Variants in AMZ1 observed in about 807,000 individuals in gnomAD.
The protein encoded by AMZ1 is archaemetzincin-1.
Under a neutral mutation model 29.9 loss-of-function variants are expected in AMZ1, and 39 were observed. That is an observed-to-expected ratio of 1.30 (90% CI 1.01 to 1.70). The LOEUF (loss-of-function observed/expected upper bound fraction) is 1.70. Ranked by LOEUF, AMZ1 falls within the 40% of genes most tolerant of loss-of-function variation. AMZ1 has a pLI of 0.00. For synonymous variants in AMZ1, 458 were observed against 304.0 expected, an observed-to-expected ratio of 1.51 and a Z score of -5.27; for missense variants, 1,041 against 680.6, an observed-to-expected ratio of 1.53 and a Z score of -5.89.
intron 4 of AMZ1, among the ~76,000 whole-genome samples, chr7:2,739,269 C>T (rs1790375969): frequency 6.6e-6 from 1 of 152,204 alleles, no homozygotes; most frequent in Non-Finnish European, 1.5e-5. Flanking sequence ...CTTCTACAGC[C>T]TATCAGCCGC....
chr7:2,754,400 C>G (rs1375441637), intron 4 of AMZ1, among the ~76,000 whole-genome samples: 2 of 152,048 alleles, frequency 1.3e-5, no homozygotes, highest in African/African-American at 4.8e-5. Flanking sequence ...GATATGTAGT[C>G]AGCAAATACT....
intron 1 of AMZ1, among the ~76,000 whole-genome samples, chr7:2,689,199 C>T (rs1012858988): frequency 5.3e-5 from 8 of 152,328 alleles, no homozygotes; most frequent in Admixed American, 4.6e-4. Flanking sequence ...AAAGCGCATT[C>T]AGAATAGCGA....
intron 4 of AMZ1, among the ~76,000 whole-genome samples, chr7:2,752,491 C>G (rs1022654381): frequency 2.0e-5 from 3 of 152,106 alleles, no homozygotes; most frequent in African/African-American, 7.2e-5. Context: ...GACACAGGGA[C>G]TGGAAAGCAA....
intron 1 of AMZ1, among the ~76,000 whole-genome samples, chr7:2,688,683 G>A (rs1454355218): frequency 6.6e-6 from 1 of 152,216 alleles, no homozygotes; most frequent in East Asian, 1.9e-4. Context: ...CCGGGCTGGG[G>A]CGAGCCAGGT....
chr7:2,700,121 C>G, intron 1 of AMZ1, 113 bp from the exon 2 acceptor site: 1 of 345,034 alleles, frequency 2.9e-6, no homozygotes, highest in South Asian at 5.1e-5. Flanking sequence ...CTGACACCCT[C>G]GTCCTCTGCA....
At position 2,718,491 on chromosome 7, in the gene AMZ1, T is replaced by C. The variant is rs1789260288; in HGVS notation, c.*5613T>C. 6.6e-6 allele frequency among the ~76,000 whole-genome samples: 1 copy of C among 152,222 alleles called. No homozygotes were observed. The highest frequency in any genetic ancestry group is 6.5e-5 in the Admixed American group (1 of 15,284). On this transcript the variant is annotated 3_prime_UTR_variant, in exon 7 of 7. Transcript: ENST00000683327. The stretch of plus-strand genomic sequence containing the variant: ...CGGGAATGAATGGGGACGTGTTTTG[T>C]TCAGCCCTGACTCTTGGACGCTGGT...
At chr7:2,691,741 A>AAAAAT (rs1787401868) in intron 1 of AMZ1, among the ~76,000 whole-genome samples, 1 of 151,544 alleles carries the variant, frequency 6.6e-6, no homozygotes, top group African/African-American at 2.4e-5. Flanking sequence ...AAAAAAAAAA[A>AAAAAT]AAAAAAATAA....
chr7:2,704,976 GAC>G (rs1314667123), intron 3 of AMZ1, among the ~76,000 whole-genome samples: 1 of 152,166 alleles, frequency 6.6e-6, no homozygotes, highest in Non-Finnish European at 1.5e-5. Flanking sequence ...ATAGTTGCTT[GAC>G]CGTCTGTCCG....
chr7:2,743,649 G>C (rs1019839244), intron 4 of AMZ1, among the ~76,000 whole-genome samples: 3 of 152,146 alleles, frequency 2.0e-5, no homozygotes, highest in Admixed American at 2.0e-4. Flanking sequence ...TCCAACTGAG[G>C]TACCGGGTTC....
rs944077984 is a variant in AMZ1, at chr7:2,719,596, T to C, written c.*6718T>C. On this transcript the variant is annotated 3_prime_UTR_variant, in exon 7 of 7. Transcript: ENST00000683327. ...TGCAATGACTGATGGACGACTTTGA[T>C]ATACAAAATAAATTGTTACTCAGCT... is the stretch of plus-strand genomic sequence containing the variant. Among the ~76,000 whole-genome samples the C allele has an allele frequency of 1.3e-5, 2 of 152,228 alleles. No homozygotes were observed. The highest frequency in any genetic ancestry group is 2.9e-5 in the Non-Finnish European group (2 of 68,046).
intron 4 of AMZ1, among the ~76,000 whole-genome samples, chr7:2,744,482 CA>C (rs1229893960): frequency 6.6e-6 from 1 of 152,164 alleles, no homozygotes; most frequent in African/African-American, 2.4e-5. Context: ...GGAAAACTAA[CA>C]AACAGGAAGG....
chr7:2,710,856 T>G (rs1186406144), intron 6 of AMZ1, among the ~76,000 whole-genome samples: 2 of 152,182 alleles, frequency 1.3e-5, no homozygotes, highest in East Asian at 1.9e-4. Context: ...CACCTGGTGA[T>G]GCCTTGTAAA....
chr7:2,680,764 G>T (rs1286139941), intron 1 of AMZ1, among the ~76,000 whole-genome samples: 22 of 152,246 alleles, frequency 1.4e-4, no homozygotes, highest in Admixed American at 1.4e-3. Context: ...GCCCAGCGCA[G>T]CCCATGCGCT....
At chr7:2,762,630 G>A, upstream of AMZ1, 1 of 1,577,956 alleles carries the variant, frequency 6.3e-7, no homozygotes, top group Non-Finnish European at 8.6e-7. Flanking sequence ...AGACCCCAAT[G>A]CCATGAAGCA....
chr7:2,721,415 C>A (rs1030863168), downstream of AMZ1, among the ~76,000 whole-genome samples: 6 of 152,308 alleles, frequency 3.9e-5, no homozygotes, highest in Admixed American at 2.6e-4. Flanking sequence ...CACACACATT[C>A]TTCTGTTTGA....
chr7:2,764,519 T>C (rs922956167), upstream of AMZ1: 2 of 152,256 alleles, frequency 1.3e-5, no homozygotes, highest in African/African-American at 4.8e-5. Flanking sequence ...ACAGTGGTTG[T>C]GGTCGGGCTC....
intron 1 of AMZ1, among the ~76,000 whole-genome samples, chr7:2,697,647 A>T (rs1322416327): frequency 6.7e-6 from 1 of 150,178 alleles, no homozygotes; most frequent in Non-Finnish European, 1.5e-5. Context: ...CTGGTCTTGA[A>T]CTCCTGTGCT....
At chr7:2,753,787 T>A (rs958767632) in intron 4 of AMZ1, among the ~76,000 whole-genome samples, 1 of 152,190 alleles carries the variant, frequency 6.6e-6, no homozygotes, top group Non-Finnish European at 1.5e-5. Flanking sequence ...AATTTACTCC[T>A]GTGCCATAAG....
At chr7:2,683,660 G>A (rs1233515896), upstream of AMZ1, among the ~76,000 whole-genome samples, 14 of 151,968 alleles carry the variant, frequency 9.2e-5, 1 homozygote, top group Non-Finnish European at 1.5e-4. Flanking sequence ...GGATGGTCTC[G>A]ATCTCCTGAC....
Sources: allele counts gnomAD v4.1 joint callset (sites outside exome capture counted in the v4.1 genomes callset), GRCh38; gene constraint gnomAD v4.1.1; transcripts MANE v1.5; gene names NCBI Gene and HGNC (gene_info 2026-07-23, HGNC 2026-07-21).